RTBDN: variants seen among roughly 807,000 people sequenced by gnomAD.
RTBDN encodes retbindin.
A neutral mutation model predicts 21.9 loss-of-function variants in RTBDN; 24 were observed. That is an observed-to-expected ratio of 1.10 (90% CI 0.79 to 1.54). RTBDN has a LOEUF of 1.54. Ranked by LOEUF, RTBDN falls within the 40% of genes most tolerant of loss-of-function variation. The pLI is 0.00. For synonymous variants in RTBDN, 141 were observed against 125.9 expected (o/e 1.12, Z -0.80); for missense variants, 325 against 315.2 (o/e 1.03, Z -0.23).
intron 1 of RTBDN, among the ~76,000 whole-genome samples, chr19:12,833,740 C>T (rs1388613062): frequency 6.7e-6 from 1 of 149,702 alleles, no homozygotes; most frequent in South Asian, 2.1e-4. Context: ...CCCTTCCCCC[C>T]GCCAGCGCGG....
chr19:12,832,712 A>G (rs999713725), intron 1 of RTBDN: 5 of 152,236 alleles, frequency 3.3e-5, no homozygotes, highest in African/African-American at 1.2e-4. Context: ...ACAAACATAT[A>G]CAGAGACAGA....
At chr19:12,826,521 C>G in intron 5 of RTBDN, 1 of 779,114 alleles carries the variant, frequency 1.3e-6, no homozygotes, top group Non-Finnish European at 1.8e-6. Context: ...TGGTGAAACG[C>G]TGACTCTACT....
intron 1 of RTBDN, among the ~76,000 whole-genome samples, chr19:12,833,724 G>A (rs187086204): frequency 0.015 from 1,025 of 70,052 alleles, 15 homozygotes; most frequent in African/African-American, 0.048. Flanking sequence ...CCGCCCCCCC[G>A]CCCGCCCCTT....
intron 4 of RTBDN, 54 bp downstream of exon 4, chr19:12,828,603 G>T (rs567040257): frequency 7.1e-7 from 1 of 1,401,242 alleles, no homozygotes. Context: ...TGCAGGCTCC[G>T]CCCTCTTCCC....
chr19:12,833,924 C>A (rs1350893658), intron 1 of RTBDN: 1 of 390,426 alleles, frequency 2.6e-6, no homozygotes, highest in African/African-American at 2.1e-5. Context: ...GCCGCCGCTA[C>A]CTCCCTCCTC....
rs1243963664 is a variant in RTBDN at position 12,829,823 on chromosome 19, G to T, written c.157C>A (p.Leu53Met). The change falls in exon 2 of 6, where the codon CTG becomes ATG. Residue 53 changes from leucine (L) to methionine (M), a missense_variant. Leu to Met is a conservative substitution (Grantham distance 15). Transcript: ENST00000674343. ...CTGGGGTGCTCACCTGCCAGGTGCAGCTTGCCTTTGCCCAGATCAGCTGCC... is the reference window on the plus strand; with the variant it reads ...CTGGGGTGCTCACCTGCCAGGTGCATCTTGCCTTTGCCCAGATCAGCTGCC... ...GLAADLGKGK[L>M]HLAGPCCPSE... 1.9e-6 allele frequency: 3 copies of T among 1,610,926 alleles called. No individual in the cohort carries two copies. In the Middle Eastern group the frequency reaches 5.0e-4, roughly 267 times the overall value.
chr19:12,826,864 T>G lies in RTBDN; in HGVS notation c.373A>C (p.Asn125His), dbSNP rs1452871368. The change falls in exon 5 of 6, where the codon AAC becomes CAC. Residue 125 changes from asparagine to histidine, a missense_variant. Physicochemically the swap from Asn to His is moderately conservative, Grantham distance 68. Transcript: ENST00000674343. ...CEELCQAWFA[N>H]CEDDITCGPT... ...CCGCAGGTGATATCATCTTCGCAGT[T>G]GGCGAACCTGGAGATGGCGAGTGGA... 7 of 1,550,776 alleles carry G rather than the reference T, an allele frequency of 4.5e-6. No homozygotes were observed. The South Asian group carries it at 8.3e-5, about 18-fold the overall frequency.
chr19:12,830,656 A>T lies in RTBDN; in HGVS notation c.-18-659T>A. ...CTAGAGGCCGCTAAGACACCTCAGG[A>T]TCCAGTCCAGGAAACTGGCTGCTGA... is the stretch of plus-strand genomic sequence containing the variant. On this transcript the variant is annotated intron_variant, in intron 1 of 5. Coordinates refer to ENST00000674343, the MANE Select transcript of RTBDN (RefSeq NM_001270441.2). The surrounding 1 kb of genome is among the most constrained non-coding windows in gnomAD (Gnocchi z 4.2). 1.0e-6 allele frequency: 1 copy of T among 985,534 alleles called. No individual in the cohort carries two copies. The highest frequency in any genetic ancestry group is 1.2e-6 in the Non-Finnish European group (1 of 830,028). The allele number at this position is 985,534 out of a possible 1,614,324, so 61.0% of individuals were successfully genotyped here. A position where few individuals can be genotyped will look rare whatever the true frequency, so the allele number is the denominator to read the frequency against.
upstream of RTBDN, chr19:12,834,620 G>A: frequency 6.6e-7 from 1 of 1,511,842 alleles, no homozygotes. This position sits in a 1 kb window ranked among gnomAD's most constrained non-coding sequence, Gnocchi z 4.7. Flanking sequence ...AGCCCAGCTT[G>A]TGGGTGGGCG....
intron 5 of RTBDN, chr19:12,826,371 G>A (rs1406299947): frequency 1.6e-6 from 2 of 1,271,458 alleles, no homozygotes; most frequent in Admixed American, 2.8e-5. Flanking sequence ...GTACCAATCC[G>A]GTCTCTGGGG....
Position 12,825,854 on chromosome 19 carries a change from C to A in RTBDN, c.542G>T (p.Cys181Phe). ...LPVAAPGARH[C>F]FNISISAVPR... ...TACCGCGGAGATGGAGATGTTGAAG[C>A]AGTGACGGGCTCCAGGAGCAGCCAC... is the stretch of plus-strand genomic sequence containing the variant. The change falls in exon 6 of 6, where the codon TGC becomes TTC. Residue 181 changes from cysteine (C) to phenylalanine (F), a missense_variant. Physicochemically the swap from Cys to Phe is radical, Grantham distance 205 (BLOSUM62 -2). Transcript: ENST00000674343. 1.2e-6 allele frequency: 2 copies of A among 1,613,474 alleles called. No individual in the cohort carries two copies. Among genetic ancestry groups the A allele is most frequent in the Non-Finnish European group, 1.7e-6 (2 of 1,179,824 alleles).
chr19:12,826,897 G>C (rs1038453248), intron 4 of RTBDN, 26 bp from the exon 5 acceptor site: 8 of 1,489,826 alleles, frequency 5.4e-6, no homozygotes, highest in Non-Finnish European at 7.3e-6. Context: ...GGAGAGGTGG[G>C]TAAAGCCTTT....
rs1387573553 is a variant in RTBDN at position 12,834,460 on chromosome 19, G to A, written c.-19+29C>T. The A allele has an allele frequency of 2.0e-6, 3 of 1,506,204 alleles. No homozygotes were observed. Among genetic ancestry groups the A allele is most frequent in the Non-Finnish European group, 2.7e-6 (3 of 1,119,548 alleles). The allele number at this position is 1,506,204 out of a possible 1,614,324, so 93.3% of individuals were successfully genotyped here. A position where few individuals can be genotyped will look rare whatever the true frequency, so the allele number is the denominator to read the frequency against. On this transcript the variant is annotated intron_variant, in intron 1 of 5. Transcript: ENST00000674343. The surrounding 1 kb of genome is among the most constrained non-coding windows in gnomAD (Gnocchi z 4.7). ...ACCACCCCAGGAGCCCCCTCCCGAG[G>A]CATAGGACGCCCTGCGTCCCCCACG... is the stretch of plus-strand genomic sequence containing the variant.
At chr19:12,827,608 C>A (rs1969366054) in intron 4 of RTBDN, among the ~76,000 whole-genome samples, 1 of 151,996 alleles carries the variant, frequency 6.6e-6, no homozygotes, top group African/African-American at 2.4e-5. Context: ...CAAGCATGAG[C>A]CACTACGTCC....
In RTBDN at chr19:12,834,488, C is replaced by T; in HGVS notation, c.-19+1G>A. On this transcript the variant is annotated splice_donor_variant, in intron 1 of 5. Coordinates refer to ENST00000674343, the MANE Select transcript of RTBDN (RefSeq NM_001270441.2). LOFTEE classifies it low-confidence loss of function (5UTR_SPLICE). The surrounding 1 kb of genome is among the most constrained non-coding windows in gnomAD (Gnocchi z 4.7). ...TAGGACGCCCTGCGTCCCCCACGCA[C>T]CTGCCTGGCCATCAGGATTCTTCCT... 6.5e-7 allele frequency: 1 copy of T among 1,535,260 alleles called. No homozygotes were observed.
At chr19:12,835,397 C>T, upstream of RTBDN, 1 of 420,416 alleles carries the variant, frequency 2.4e-6, no homozygotes, top group South Asian at 3.4e-5. Context: ...AGTACTGCAG[C>T]AGCCAGGTTG....
chr19:12,831,144 G>A (rs926378549), intron 1 of RTBDN, among the ~76,000 whole-genome samples: 5 of 151,938 alleles, frequency 3.3e-5, no homozygotes, highest in African/African-American at 1.2e-4. Flanking sequence ...ATGTGAGAAG[G>A]GGAAATGTAG....
In RTBDN at chr19:12,830,289, G is replaced by T. The variant is rs1969518154; in HGVS notation, c.-18-292C>A. The T allele has an allele frequency of 7.9e-6, 9 of 1,145,942 alleles. No homozygotes were observed. Among genetic ancestry groups the T allele is most frequent in the Non-Finnish European group, 8.6e-6 (8 of 930,908 alleles). 71.0% of individuals were successfully genotyped at this position (1,145,942 alleles called of 1,614,324 possible). A position where few individuals can be genotyped will look rare whatever the true frequency, so the allele number is the denominator to read the frequency against. ...TCCAGCAGGATCTCCCACCTTTTTAGTCTTCAAGAGACCCCTTCTTTTCTC... is the reference window on the plus strand; with the variant it reads ...TCCAGCAGGATCTCCCACCTTTTTATTCTTCAAGAGACCCCTTCTTTTCTC... On this transcript the variant is annotated intron_variant, in intron 1 of 5. Coordinates refer to ENST00000674343, the MANE Select transcript of RTBDN (RefSeq NM_001270441.2). The surrounding 1 kb of genome is among the most constrained non-coding windows in gnomAD (Gnocchi z 4.2).
At chr19:12,834,979 G>A (rs1458659715), upstream of RTBDN, 1 of 1,558,984 alleles carries the variant, frequency 6.4e-7, no homozygotes, top group African/African-American at 1.4e-5. This position sits in a 1 kb window ranked among gnomAD's most constrained non-coding sequence, Gnocchi z 4.7. Flanking sequence ...TTGGGGCTCA[G>A]CCCCAGGCTT....
Sources: gnomAD v4.1 joint callset for allele counts (sites outside exome capture counted in the v4.1 genomes callset) on GRCh38, gnomAD v4.1.1 for gene constraint, Gnocchi (gnomAD v3.1) non-coding constraint, MANE v1.5 for transcripts, NCBI Gene and HGNC (gene_info 2026-07-23, HGNC 2026-07-21) for gene names.